Variants in ACSM2B observed in about 807,000 individuals in gnomAD.
ACSM2B encodes the protein acyl-CoA synthetase medium chain family member 2B, also known as acyl-coenzyme A synthetase ACSM2B, mitochondrial.
ACSM2B carries 58 observed loss-of-function variants against 78.6 expected under a neutral mutation model. The ratio of observed to expected loss-of-function variants is 0.74; its 90% CI spans 0.60 to 0.92. The LOEUF (loss-of-function observed/expected upper bound fraction) is 0.92, where lower values mean the gene tolerates loss of function less well. ACSM2B is among the 40% of genes least tolerant of loss of function. ACSM2B has a pLI of 0.00. For synonymous variants in ACSM2B, 257 were observed against 256.8 expected (o/e 1.00, Z -0.01); for missense variants, 688 against 711.2 (o/e 0.97, Z 0.37).
intron 2 of ACSM2B, among the ~76,000 whole-genome samples, chr16:20,562,287 C>A (rs545487159): frequency 3.7e-4 from 56 of 152,100 alleles, no homozygotes; most frequent in Non-Finnish European, 6.8e-4. Flanking sequence ...ATAGACCCTT[C>A]GCATATCCCC....
At chr16:20,555,548 A>T in intron 3 of ACSM2B, 72 bp from the exon 4 acceptor site, 2 of 1,597,586 alleles carry the variant, frequency 1.3e-6, no homozygotes, top group South Asian at 1.1e-5. Flanking sequence ...TGAGATAAAC[A>T]TCAAGCAGGG....
chr16:20,549,740 C>G (rs1296060041), intron 6 of ACSM2B: 1 of 447,952 alleles, frequency 2.2e-6, no homozygotes, highest in African/African-American at 2.0e-5. Flanking sequence ...TTTAGGGAGA[C>G]ATAAGACATC....
Position 20,547,930 on chromosome 16 carries a change from C to T in ACSM2B, c.1098+132G>A, listed in dbSNP as rs2015188564. The T allele has an allele frequency of 1.2e-5, 18 of 1,530,468 alleles. No homozygotes were observed. The East Asian group carries it at 4.1e-4, about 35-fold the overall frequency. 94.8% of individuals were successfully genotyped at this position (1,530,468 alleles called of 1,614,324 possible). ...TGAATTTTCAATACTCAGTACCTGT[C>T]CCTTCACAGAGGCTCAATAAATATT... is the stretch of plus-strand genomic sequence containing the variant. On this transcript the variant is annotated intron_variant, in intron 8 of 13. Coordinates refer to ENST00000329697, the MANE Select transcript of ACSM2B (RefSeq NM_001105069.2).
chr16:20,563,609 C>G (rs996091026), intron 2 of ACSM2B, among the ~76,000 whole-genome samples: 3 of 151,850 alleles, frequency 2.0e-5, no homozygotes, highest in Admixed American at 6.6e-5. Context: ...ATCCAGAAAT[C>G]TAAATTTCTG....
chr16:20,569,287 G>T (rs1035899262), intron 1 of ACSM2B, among the ~76,000 whole-genome samples: 1 of 151,962 alleles, frequency 6.6e-6, no homozygotes, highest in Non-Finnish European at 1.5e-5. Context: ...CATGTGGCTT[G>T]CCAATTATCC....
intron 12 of ACSM2B, 162 bp downstream of exon 12, chr16:20,542,752 A>T: frequency 1.1e-6 from 1 of 885,688 alleles, no homozygotes; most frequent in Non-Finnish European, 1.7e-6. Context: ...ACTGAGAAAC[A>T]GAGAGGCCAA....
At chr16:20,575,493 T>G (rs2016221694) in intron 1 of ACSM2B, 1 of 151,824 alleles carries the variant, frequency 6.6e-6, no homozygotes, top group African/African-American at 2.4e-5. Flanking sequence ...GTTCCAAAAC[T>G]GAAGAACCTG....
At chr16:20,568,362 TCA>T (rs1234274863) in intron 1 of ACSM2B, among the ~76,000 whole-genome samples, 1 of 145,702 alleles carries the variant, frequency 6.9e-6, no homozygotes, top group African/African-American at 2.5e-5. Context: ...ATCATATATA[TCA>T]CATATTATAT....
chr16:20,560,936 C>T (rs1273547779), intron 2 of ACSM2B, among the ~76,000 whole-genome samples: 1 of 152,014 alleles, frequency 6.6e-6, no homozygotes, highest in Non-Finnish European at 1.5e-5. Flanking sequence ...AACTTGGCTG[C>T]ATTGTGTTCA....
chr16:20,565,856 A>T (rs766677813), intron 1 of ACSM2B, among the ~76,000 whole-genome samples: 15 of 151,982 alleles, frequency 9.9e-5, no homozygotes, highest in Non-Finnish European at 1.6e-4. Flanking sequence ...TCATTGTGTC[A>T]TACTCATGAC....
At chr16:20,542,775 AG>A (rs776276623) in intron 12 of ACSM2B, 138 bp downstream of exon 12, 111 of 1,163,592 alleles carry the variant, frequency 9.5e-5, no homozygotes, top group Non-Finnish European at 1.3e-4. Context: ...AGCTTACCCA[AG>A]GTCACATAGC....
chr16:20,554,876 T>C (rs924252593), intron 4 of ACSM2B, among the ~76,000 whole-genome samples: 3 of 152,220 alleles, frequency 2.0e-5, no homozygotes, highest in African/African-American at 7.2e-5. Context: ...TTGTGCCCCA[T>C]AGTTTCTCTG....
rs2015562731 is a variant in ACSM2B, at chr16:20,559,122, A to T, written c.388+115T>A. On this transcript the variant is annotated intron_variant, in intron 3 of 13. Coordinates refer to ENST00000329697, the MANE Select transcript of ACSM2B (RefSeq NM_001105069.2). Reference sequence around the variant, plus strand: ...AGGGAGAAGTCTTTCTTCATATGAGAGAGGACAGCATGCTCCAAGGCAGAG... The same window carrying T: ...AGGGAGAAGTCTTTCTTCATATGAGTGAGGACAGCATGCTCCAAGGCAGAG... 3.4e-6 allele frequency: 5 copies of T among 1,461,600 alleles called. No homozygotes were observed. The East Asian group carries it at 7.5e-5, about 22-fold the overall frequency. The allele number at this position is 1,461,600 out of a possible 1,614,324, so 90.5% of individuals were successfully genotyped here.
intron 10 of ACSM2B, among the ~76,000 whole-genome samples, chr16:20,543,638 T>G (rs532750801): frequency 2.8e-4 from 43 of 152,360 alleles, no homozygotes; most frequent in Middle Eastern, 3.4e-3. Flanking sequence ...TAGGTACTTT[T>G]CTTAGCTTCT....
At chr16:20,563,401 T>C (rs1464173296) in intron 2 of ACSM2B, among the ~76,000 whole-genome samples, 1 of 152,204 alleles carries the variant, frequency 6.6e-6, no homozygotes, top group African/African-American at 2.4e-5. Context: ...TGCTGTTATA[T>C]GAGTTGAATA....
intron 6 of ACSM2B, chr16:20,549,643 A>T (rs550021854): frequency 3.0e-6 from 1 of 335,922 alleles, no homozygotes; most frequent in Non-Finnish European, 5.7e-6. Flanking sequence ...TGAGCCAAAC[A>T]TGAGTAACCA....
intron 9 of ACSM2B, 87 bp from the exon 10 acceptor site, chr16:20,545,345 A>T: frequency 2.0e-6 from 3 of 1,489,772 alleles, no homozygotes; most frequent in South Asian, 2.6e-5. Flanking sequence ...TGGTCAAATG[A>T]AAGACTCTCT....
At chr16:20,547,300 A>G (rs2015170902) in intron 8 of ACSM2B, 3 of 985,348 alleles carry the variant, frequency 3.0e-6, no homozygotes, top group East Asian at 1.1e-4. Context: ...CCACAACTCC[A>G]TTGTCCTTAT....
In ACSM2B at chr16:20,553,771, G is replaced by C; in HGVS notation, c.740+6C>G. On this transcript the variant is annotated splice_donor_region_variant and intron_variant, in intron 5 of 13. Transcript: ENST00000329697. Reference sequence around the variant, plus strand: ...ATTCTCTGTAGAGAGAAAGAGCTCAGCTTACCCAGCATCCATCTTGGCCTT... The same window carrying C: ...ATTCTCTGTAGAGAGAAAGAGCTCACCTTACCCAGCATCCATCTTGGCCTT... 1 of 1,608,568 alleles carries C rather than the reference G, an allele frequency of 6.2e-7. No individual in the cohort carries two copies. Among genetic ancestry groups the C allele is most frequent in the Non-Finnish European group, 8.5e-7 (1 of 1,176,650 alleles).
Sources: gnomAD v4.1 joint callset for allele counts (sites outside exome capture counted in the v4.1 genomes callset) on GRCh38, gnomAD v4.1.1 for gene constraint, MANE v1.5 for transcripts, NCBI Gene and HGNC (gene_info 2026-07-23, HGNC 2026-07-21) for gene names.